CFAP91: variants seen among roughly 807,000 people sequenced by gnomAD.
CFAP91 encodes cilia and flagella associated protein 91, also known as cilia- and flagella-associated protein 91.
CFAP91 carries 85 observed loss-of-function variants against 95.9 expected under a neutral mutation model. That is an observed-to-expected ratio of 0.89 (90% CI 0.74 to 1.06). The LOEUF (loss-of-function observed/expected upper bound fraction) is 1.06. Ranked by LOEUF, CFAP91 falls within the 50% of genes least tolerant of loss-of-function variation. The probability of loss-of-function intolerance (pLI) is 0.00; values close to 1 mark genes in which losing one functional copy is unlikely to be tolerated. For synonymous variants in CFAP91, 335 were observed against 327.5 expected (o/e 1.02, Z -0.25); for missense variants, 962 against 943.4 (o/e 1.02, Z -0.26).
At chr3:119,711,315 CTT>C (rs547699487) in intron 5 of CFAP91, among the ~76,000 whole-genome samples, 1 of 152,132 alleles carries the variant, frequency 6.6e-6, no homozygotes, top group Non-Finnish European at 1.5e-5. Flanking sequence ...TAGCTGTAGA[CTT>C]ATATTCTATG....
intron 17 of CFAP91, among the ~76,000 whole-genome samples, chr3:119,753,047 A>G (rs1421934515): frequency 6.6e-6 from 1 of 152,194 alleles, no homozygotes; most frequent in African/African-American, 2.4e-5. Flanking sequence ...TTTAAAATAC[A>G]TATTTAAAAA....
Position 119,747,896 on chromosome 3 carries a change from G to GA in CFAP91, c.2142dup (p.Val715SerfsTer30). Reference sequence around the variant, plus strand: ...AGAGGTGCAAAAATACTTTGTCAAAGAAAAAGGTAAGCCAATGTAAATGCT... The same window carrying GA: ...AGAGGTGCAAAAATACTTTGTCAAAGAAAAAAGGTAAGCCAATGTAAATGCT... On this transcript the variant is annotated frameshift_variant, in exon 16 of 18. Coordinates refer to ENST00000273390, the MANE Select transcript of CFAP91 (RefSeq NM_033364.4). LOFTEE classifies it high-confidence loss of function. The GA allele has an allele frequency of 6.2e-7, 1 of 1,610,550 alleles. No individual in the cohort carries two copies. Among genetic ancestry groups the GA allele is most frequent in the Non-Finnish European group, 8.5e-7 (1 of 1,177,784 alleles).
At chr3:119,703,733 C>T (rs1317009721) in intron 1 of CFAP91, among the ~76,000 whole-genome samples, 1 of 152,056 alleles carries the variant, frequency 6.6e-6, no homozygotes, top group Non-Finnish European at 1.5e-5. Context: ...CCTCTTGGGC[C>T]AATAAAACCC....
intron 6 of CFAP91, among the ~76,000 whole-genome samples, chr3:119,721,455 A>G (rs978703377): frequency 5.9e-5 from 9 of 152,222 alleles, no homozygotes; most frequent in Non-Finnish European, 1.0e-4. Flanking sequence ...CTATTTAACA[A>G]CGTAGAGGAG....
At chr3:119,757,153 A>G (rs566947174) in intron 17 of CFAP91, among the ~76,000 whole-genome samples, 1 of 152,222 alleles carries the variant, frequency 6.6e-6, no homozygotes, top group Non-Finnish European at 1.5e-5. Flanking sequence ...AAAGAGGGAC[A>G]TGCCATAAAG....
At chr3:119,738,171 T>G (rs2054045715) in intron 11 of CFAP91, among the ~76,000 whole-genome samples, 1 of 152,178 alleles carries the variant, frequency 6.6e-6, no homozygotes, top group Non-Finnish European at 1.5e-5. Flanking sequence ...GTTTCTTGGC[T>G]GAGGGCAGGT....
intron 10 of CFAP91, among the ~76,000 whole-genome samples, chr3:119,736,084 C>G (rs528997191): frequency 6.6e-6 from 1 of 151,656 alleles, no homozygotes. Context: ...ACAATAAAAT[C>G]ACCCTTTAAA....
intron 13 of CFAP91, among the ~76,000 whole-genome samples, chr3:119,742,400 AAC>A (rs1443686643): frequency 9.2e-5 from 14 of 152,194 alleles, no homozygotes; most frequent in Admixed American, 8.5e-4. Flanking sequence ...CCAATTACGT[AAC>A]ACAGTACTTT....
chr3:119,719,708 A>G (rs1198532435), intron 6 of CFAP91, among the ~76,000 whole-genome samples: 1 of 152,246 alleles, frequency 6.6e-6, no homozygotes, highest in Non-Finnish European at 1.5e-5. Context: ...AAGACAGAAG[A>G]TGCAAACAGA....
At chr3:119,760,305 T>C (rs1024607660) in intron 17 of CFAP91, among the ~76,000 whole-genome samples, 14 of 151,838 alleles carry the variant, frequency 9.2e-5, no homozygotes, top group African/African-American at 3.1e-4. Flanking sequence ...CATTGTGTGG[T>C]GATAAAGGGG....
At chr3:119,736,528 G>A (rs1276159848) in intron 10 of CFAP91, among the ~76,000 whole-genome samples, 4 of 151,774 alleles carry the variant, frequency 2.6e-5, no homozygotes, top group Non-Finnish European at 2.9e-5. Flanking sequence ...CACCCTCCTC[G>A]GCCTCCCAAA....
At position 119,720,110 on chromosome 3, in the gene CFAP91, C is replaced by T. The variant is rs972295024; in HGVS notation, c.682+4367C>T. 1.2e-4 allele frequency among the ~76,000 whole-genome samples: 17 copies of T among 140,758 alleles called. 1 individual carries two copies. The highest frequency in any genetic ancestry group is 4.6e-4 in the South Asian group (2 of 4,366). 92.3% of individuals were successfully genotyped at this position (140,758 alleles called of 152,430 possible). On this transcript the variant is annotated intron_variant, in intron 6 of 17. Coordinates refer to ENST00000273390, the MANE Select transcript of CFAP91 (RefSeq NM_033364.4). The stretch of plus-strand genomic sequence containing the variant: ...ATCAAAAAAAAAAAAACTTAGGGGC[C>T]GGACGCGGTGGCTCACCCCTGTAAT...
At chr3:119,747,749 A>G (rs2054251532) in intron 15 of CFAP91, 62 bp from the exon 16 acceptor site, 1 of 1,407,524 alleles carries the variant, frequency 7.1e-7, no homozygotes, top group South Asian at 1.2e-5. Flanking sequence ...GCAGGAAAGC[A>G]TAAATCAGCA....
In CFAP91 at chr3:119,758,971, T is replaced by C. The variant is rs190383480; in HGVS notation, c.*2-6081T>C. Among the ~76,000 whole-genome samples, 1,033 of 152,184 alleles carry C rather than the reference T, an allele frequency of 6.8e-3. 5 individuals carry two copies. The highest frequency in any genetic ancestry group is 0.012 in the Non-Finnish European group (837 of 67,894). On this transcript the variant is annotated intron_variant, in intron 17 of 17. Coordinates refer to ENST00000273390, the MANE Select transcript of CFAP91 (RefSeq NM_033364.4). ...ACAGAAAACTATAGTCAATTATTAG[T>C]AGTGTATTTTGAATTTTATAAAAAA...
intron 17 of CFAP91, among the ~76,000 whole-genome samples, chr3:119,755,653 G>T (rs187607111): frequency 6.6e-6 from 1 of 152,178 alleles, no homozygotes; most frequent in Non-Finnish European, 1.5e-5. Context: ...TGTGAGAAAA[G>T]AAATTTCTGC....
chr3:119,703,132 G>A lies in CFAP91; in HGVS notation c.34G>A (p.Ala12Thr). ...SHAVTIEEPQ[A>T]QPQVSQTRYR... ...CGCAGTAACCATCGAGGAGCCCCAGGCCCAGCCGCAGGTGTCTCAAACTCG... is the reference window on the plus strand; with the variant it reads ...CGCAGTAACCATCGAGGAGCCCCAGACCCAGCCGCAGGTGTCTCAAACTCG... The change falls in exon 1 of 18, where the codon GCC (alanine) becomes ACC (threonine). Residue 12 changes from alanine (A) to threonine (T), a missense_variant. Physicochemically the swap from Ala to Thr is moderately conservative, Grantham distance 58 (BLOSUM62 0). Coordinates refer to ENST00000273390, the MANE Select transcript of CFAP91 (RefSeq NM_033364.4). 3 of 1,576,752 alleles carry A rather than the reference G, an allele frequency of 1.9e-6. No individual in the cohort carries two copies. Among genetic ancestry groups the A allele is most frequent in the Middle Eastern group, 1.8e-4 (1 of 5,710 alleles).
At chr3:119,712,223 T>TG (rs1216647521) in intron 5 of CFAP91, among the ~76,000 whole-genome samples, 2 of 152,042 alleles carry the variant, frequency 1.3e-5, no homozygotes, top group African/African-American at 4.8e-5. Context: ...CCAACAGAAA[T>TG]GGGGAAAAAA....
intron 6 of CFAP91, among the ~76,000 whole-genome samples, chr3:119,722,356 G>A (rs2053702587): frequency 6.6e-6 from 1 of 152,092 alleles, no homozygotes; most frequent in Non-Finnish European, 1.5e-5. Flanking sequence ...CTACTCGGGA[G>A]GCTGAGGCAG....
chr3:119,739,201 A>G, intron 11 of CFAP91, 54 bp from the exon 12 acceptor site: 1 of 1,415,070 alleles, frequency 7.1e-7, no homozygotes, highest in South Asian at 1.2e-5. Flanking sequence ...AGAATATTTG[A>G]TGCTTGGACT....
Sources: allele counts gnomAD v4.1 joint callset (sites outside exome capture counted in the v4.1 genomes callset), GRCh38; gene constraint gnomAD v4.1.1; transcripts MANE v1.5; gene names NCBI Gene and HGNC (gene_info 2026-07-23, HGNC 2026-07-21).